Variants in ACO2 observed in about 807,000 individuals in gnomAD.
ACO2 encodes the protein aconitate hydratase, mitochondrial.
A neutral mutation model predicts 84.5 loss-of-function variants in ACO2; 31 were observed. The observed-to-expected ratio is 0.37, with a 90% CI of 0.28 to 0.50. ACO2 has a LOEUF of 0.50. Ranked by LOEUF, ACO2 falls within the 20% of genes least tolerant of loss-of-function variation. The probability of loss-of-function intolerance (pLI) is 0.97; values close to 1 mark genes in which losing one functional copy is unlikely to be tolerated. For synonymous variants in ACO2, 414 were observed against 412.7 expected (o/e 1.00, Z -0.04); for missense variants, 685 against 1,029.3 (o/e 0.67, Z 4.58).
intron 8 of ACO2, among the ~76,000 whole-genome samples, chr22:41,518,894 C>T (rs970470941): frequency 2.6e-5 from 4 of 152,148 alleles, no homozygotes; most frequent in African/African-American, 4.8e-5. Context: ...TGCAGTCAGC[C>T]GAGATCGCAC....
rs1448253874 is a variant in ACO2, at chr22:41,517,638, T to C, written c.940+7T>C. 1.2e-6 allele frequency: 2 copies of C among 1,612,654 alleles called. No individual in the cohort carries two copies. The highest frequency in any genetic ancestry group is 8.5e-7 in the Non-Finnish European group (1 of 1,179,062). On this transcript the variant is annotated splice_region_variant and intron_variant, in intron 7 of 17. Transcript: ENST00000216254. The stretch of plus-strand genomic sequence containing the variant: ...AGCAAGACCGGCCGGGAAGGTGAGC[T>C]GGCAGGGGCAGGCCCGTGTGGGTGG...
At chr22:41,492,125 A>G (rs1195132686) in intron 1 of ACO2, among the ~76,000 whole-genome samples, 3 of 152,222 alleles carry the variant, frequency 2.0e-5, no homozygotes, top group Non-Finnish European at 4.4e-5. Context: ...GCACTGTTAT[A>G]TTGGGAATTC....
At chr22:41,481,363 G>A (rs892062275) in intron 1 of ACO2, among the ~76,000 whole-genome samples, 3 of 152,120 alleles carry the variant, frequency 2.0e-5, no homozygotes, top group African/African-American at 4.8e-5. Context: ...GGCCTCTCCC[G>A]GACCCTGGCC....
intron 1 of ACO2, among the ~76,000 whole-genome samples, chr22:41,488,498 A>G (rs1359359771): frequency 1.3e-5 from 2 of 152,224 alleles, no homozygotes; most frequent in Non-Finnish European, 2.9e-5. Flanking sequence ...GAGGTAGACT[A>G]CAGGGATCAT....
chr22:41,470,375 T>C (rs1206234040), intron 1 of ACO2, among the ~76,000 whole-genome samples: 1 of 152,172 alleles, frequency 6.6e-6, no homozygotes, highest in Non-Finnish European at 1.5e-5. Context: ...TTCATCACAT[T>C]GCTTAAATTT....
In ACO2 at chr22:41,527,959, C is replaced by T. The variant is rs762302484; in HGVS notation, c.2145C>T (p.Tyr715=). The T allele has an allele frequency of 1.2e-6, 2 of 1,614,086 alleles. No homozygotes were observed. Among genetic ancestry groups the T allele is most frequent in the East Asian group, 2.2e-5 (1 of 44,890 alleles). ...LPLTFADPAD[Y]NKIHPVDKLT... is the part of the protein sequence containing the mutation. ...TGACCTTCGCTGACCCGGCTGACTA[C>T]AACAAGATTCACCCTGTGGACAAGC... The change falls in exon 17 of 18, where the codon TAC becomes TAT. Residue 715 remains tyrosine (Y), a synonymous_variant. Transcript: ENST00000216254.
At chr22:41,485,076 C>T (rs1323494253) in intron 1 of ACO2, among the ~76,000 whole-genome samples, 2 of 151,944 alleles carry the variant, frequency 1.3e-5, no homozygotes, top group Non-Finnish European at 2.9e-5. Flanking sequence ...GAGGTTTCTC[C>T]ATGTTGGTCA....
chr22:41,484,669 A>G (rs190115202), intron 1 of ACO2, among the ~76,000 whole-genome samples: 3 of 152,032 alleles, frequency 2.0e-5, no homozygotes, highest in Middle Eastern at 3.4e-3. Context: ...TATTTTACAT[A>G]TTACATAATT....
intron 9 of ACO2, among the ~76,000 whole-genome samples, chr22:41,522,360 T>A (rs2066533640): frequency 6.6e-6 from 1 of 152,186 alleles, no homozygotes; most frequent in Admixed American, 6.5e-5. Flanking sequence ...AAAGAGACTG[T>A]CTAGACAGAA....
chr22:41,481,708 C>G (rs1386426426), intron 1 of ACO2, among the ~76,000 whole-genome samples: 2 of 152,208 alleles, frequency 1.3e-5, no homozygotes, highest in Non-Finnish European at 2.9e-5. Flanking sequence ...CGTGCTGTTG[C>G]TCATCACGGC....
intron 1 of ACO2, among the ~76,000 whole-genome samples, chr22:41,494,959 C>T (rs1463513601): frequency 1.3e-5 from 2 of 152,102 alleles, no homozygotes; most frequent in African/African-American, 4.8e-5. Flanking sequence ...GTCTCGAACT[C>T]CTGACCTCAG....
At chr22:41,525,423 T>C (rs2066573629) in intron 14 of ACO2, 75 bp downstream of exon 14, 6 of 1,570,934 alleles carry the variant, frequency 3.8e-6, no homozygotes, top group African/African-American at 2.7e-5. Context: ...GGAAGGGCCA[T>C]GAACCTGGAG....
intron 4 of ACO2, among the ~76,000 whole-genome samples, chr22:41,514,775 G>C (rs2066462463): frequency 6.6e-6 from 1 of 152,258 alleles, no homozygotes; most frequent in African/African-American, 2.4e-5. Flanking sequence ...GACAGGTGAT[G>C]AGGCAGGGTG....
chr22:41,503,686 G>A (rs139807626), intron 2 of ACO2, among the ~76,000 whole-genome samples: 44 of 152,252 alleles, frequency 2.9e-4, no homozygotes, highest in East Asian at 1.2e-3. Context: ...GGGGTGGTCA[G>A]TTTTGTCCCT....
At chr22:41,469,740 AAT>A (rs926417141) in intron 1 of ACO2, among the ~76,000 whole-genome samples, 1 of 152,154 alleles carries the variant, frequency 6.6e-6, no homozygotes, top group African/African-American at 2.4e-5. Flanking sequence ...ATAATATAAT[AAT>A]AGTCTCTCAC....
chr22:41,518,381 G>A (rs2066492515), intron 7 of ACO2, 100 bp from the exon 8 acceptor site: 4 of 857,806 alleles, frequency 4.7e-6, no homozygotes, highest in Admixed American at 1.9e-5. Flanking sequence ...AGTGCCCAGG[G>A]TGGGCCTGGT....
rs528312888 is a variant in ACO2 at position 41,479,149 on chromosome 22, T to C, written c.36+9967T>C. On this transcript the variant is annotated intron_variant, in intron 1 of 17. Transcript: ENST00000216254. ...TAATACACGGTACTGAAGCAAGGAG[T>C]AGGTGGGGGAATTTGCTGGGTGGGA... Among the ~76,000 whole-genome samples the C allele has an allele frequency of 1.1e-4, 17 of 151,446 alleles. No individual in the cohort carries two copies. The South Asian group carries it at 3.6e-3, about 32-fold the overall frequency.
chr22:41,487,878 G>A (rs1350008467), intron 1 of ACO2, among the ~76,000 whole-genome samples: 1 of 152,020 alleles, frequency 6.6e-6, no homozygotes, highest in Non-Finnish European at 1.5e-5. Flanking sequence ...CATTTTCCCA[G>A]TTACTTAGGT....
intron 1 of ACO2, among the ~76,000 whole-genome samples, chr22:41,481,632 CTGAGTGGGTGTACATG>C (rs2038088669): frequency 6.6e-6 from 1 of 152,206 alleles, no homozygotes. Flanking sequence ...GTGGGGAGTT[CTGAGTGGGTGTACATG>C]TGATGTGCCG....
Sources: gnomAD v4.1 joint callset for allele counts (sites outside exome capture counted in the v4.1 genomes callset) on GRCh38, gnomAD v4.1.1 for gene constraint, MANE v1.5 for transcripts, NCBI Gene and HGNC (gene_info 2026-07-23, HGNC 2026-07-21) for gene names.